Variants in TLK1 observed in about 807,000 individuals in gnomAD.
TLK1 encodes serine/threonine-protein kinase tousled-like 1.
In TLK1, 24 loss-of-function variants were observed where a neutral mutation model predicts 105.3. That is an observed-to-expected ratio of 0.23 (90% CI 0.17 to 0.32). TLK1 has a LOEUF of 0.32. TLK1 is among the 10% of genes least tolerant of loss of function. The probability of loss-of-function intolerance (pLI) is 1.00; values close to 1 mark genes in which losing one functional copy is unlikely to be tolerated. For synonymous variants in TLK1, 321 were observed against 310.4 expected (o/e 1.03, Z -0.36); for missense variants, 558 against 910.5 (o/e 0.61, Z 4.98).
chr2:171,061,067 T>C lies in TLK1; in HGVS notation c.406+14A>G, dbSNP rs768550895. 6.2e-7 allele frequency: 1 copy of C among 1,611,318 alleles called. No individual in the cohort carries two copies. Among genetic ancestry groups the C allele is most frequent in the East Asian group, 2.2e-5 (1 of 44,740 alleles). ...GTGTCCACTAGGCTCTGAAGGAAGA[T>C]GTTATGTGCTTACCCTGACTACTTT... On this transcript the variant is annotated intron_variant, in intron 4 of 20. Coordinates refer to ENST00000431350, the MANE Select transcript of TLK1 (RefSeq NM_012290.5).
rs1293618967 is a variant in TLK1, at chr2:171,050,059, C to T, written c.843+5G>A. On this transcript the variant is annotated splice_donor_5th_base_variant and intron_variant, in intron 9 of 20. Coordinates refer to ENST00000431350, the MANE Select transcript of TLK1 (RefSeq NM_012290.5). ...AAGCGAAAATTTACTCAACTTTTAG[C>T]CTACCTTTTCAATAAGAAGTTTCTT... The T allele has an allele frequency of 6.2e-7, 1 of 1,603,924 alleles. No individual in the cohort carries two copies. Among genetic ancestry groups the T allele is most frequent in the Non-Finnish European group, 8.5e-7 (1 of 1,173,830 alleles).
intron 1 of TLK1, among the ~76,000 whole-genome samples, chr2:171,230,127 A>G (rs1693968965): frequency 6.6e-6 from 1 of 152,228 alleles, no homozygotes; most frequent in African/African-American, 2.4e-5. Context: ...CTTTTTATCC[A>G]TTAACTGCTA....
At chr2:171,141,046 A>G (rs891859131) in intron 1 of TLK1, among the ~76,000 whole-genome samples, 1 of 152,248 alleles carries the variant, frequency 6.6e-6, no homozygotes, top group African/African-American at 2.4e-5. Context: ...GGTCAGAAAA[A>G]TATATCTTTA....
At chr2:171,120,999 G>A (rs773116143) in intron 1 of TLK1, among the ~76,000 whole-genome samples, 1 of 152,110 alleles carries the variant, frequency 6.6e-6, no homozygotes, top group Non-Finnish European at 1.5e-5. Context: ...GCTACAACAC[G>A]GAGATCTCCG....
intron 1 of TLK1, among the ~76,000 whole-genome samples, chr2:171,184,924 C>T (rs1342478705): frequency 1.3e-5 from 2 of 152,002 alleles, no homozygotes; most frequent in African/African-American, 4.8e-5. Flanking sequence ...CTACAAGCTC[C>T]GCCTCCCAGG....
At chr2:171,113,424 C>A (rs1196728586) in intron 2 of TLK1, among the ~76,000 whole-genome samples, 1 of 152,062 alleles carries the variant, frequency 6.6e-6, no homozygotes, top group East Asian at 1.9e-4. Flanking sequence ...GCACCCGCCA[C>A]CATGCCCAGC....
intron 2 of TLK1, among the ~76,000 whole-genome samples, chr2:171,114,722 C>T (rs1690332488): frequency 6.6e-6 from 1 of 152,060 alleles, no homozygotes; most frequent in Non-Finnish European, 1.5e-5. Context: ...GTACTGCCAG[C>T]TACTGGGGAG....
At chr2:171,002,975 G>C (rs1684457053) in intron 18 of TLK1, among the ~76,000 whole-genome samples, 1 of 150,182 alleles carries the variant, frequency 6.7e-6, no homozygotes, top group Non-Finnish European at 1.5e-5. Flanking sequence ...AGGGTATTTT[G>C]CAAAAAGTAC....
Position 170,992,657 on chromosome 2 carries a change from T to A in TLK1, c.*1123A>T, listed in dbSNP as rs1349665737. Reference sequence around the variant, plus strand: ...CAATTATGTCCAACATGGATCACTTTTACATCTTGATTGTTAATGACTGTC... The same window carrying A: ...CAATTATGTCCAACATGGATCACTTATACATCTTGATTGTTAATGACTGTC... On this transcript the variant is annotated 3_prime_UTR_variant, in exon 21 of 21. Transcript: ENST00000431350. 6.6e-6 allele frequency: 1 copy of A among 152,612 alleles called. No individual in the cohort carries two copies. Among genetic ancestry groups the A allele is most frequent in the South Asian group, 2.1e-4 (1 of 4,830 alleles). The allele number at this position is 152,612 out of a possible 1,614,324, so 9.5% of individuals were successfully genotyped here.
At position 171,212,887 on chromosome 2, in the gene TLK1, G is replaced by A. The variant is rs1023040452; in HGVS notation, c.-6+18258C>T. ...AAATAAGAGGAAAACAGCAAAAAGC[G>A]TTTTGTTTTTTTTTAAAAAAAACAA... On this transcript the variant is annotated intron_variant, in intron 1 of 20. Transcript: ENST00000521943. Among the ~76,000 whole-genome samples the A allele has an allele frequency of 3.7e-4, 12 of 32,794 alleles. No homozygotes were observed. The Admixed American group carries it at 3.8e-3, about 10-fold the overall frequency. The allele number at this position is 32,794 out of a possible 152,430, so 21.5% of individuals were successfully genotyped here.
At chr2:171,043,666 G>A (rs1407351620) in intron 11 of TLK1, among the ~76,000 whole-genome samples, 1 of 152,150 alleles carries the variant, frequency 6.6e-6, no homozygotes, top group Non-Finnish European at 1.5e-5. Flanking sequence ...CTTGCATAAA[G>A]GATGAGTGGA....
At chr2:171,187,703 A>C (rs1486013925) in intron 1 of TLK1, among the ~76,000 whole-genome samples, 3 of 152,120 alleles carry the variant, frequency 2.0e-5, no homozygotes, top group Non-Finnish European at 4.4e-5. Context: ...ACTAGTTTTA[A>C]AATATTGTTT....
chr2:171,175,896 G>A (rs1173048965), intron 1 of TLK1, among the ~76,000 whole-genome samples: 1 of 151,884 alleles, frequency 6.6e-6, no homozygotes, highest in Non-Finnish European at 1.5e-5. Context: ...CAGAATCTTT[G>A]GGGCTGGAGT....
In TLK1 at chr2:170,993,955, G is replaced by A; in HGVS notation, c.2126C>T (p.Ala709Val). The A allele has an allele frequency of 6.3e-7, 1 of 1,587,612 alleles. No individual in the cohort carries two copies. The highest frequency in any genetic ancestry group is 8.6e-7 in the Non-Finnish European group (1 of 1,169,154). The change falls in exon 21 of 21, where the codon GCA becomes GTA. Residue 709 changes from alanine to valine, a missense_variant and splice_region_variant. Coordinates refer to ENST00000431350, the MANE Select transcript of TLK1 (RefSeq NM_012290.5). ...ATATGCCAAACAGCGTCTTATAAAT[G>A]CCTCAAAAAGAGAAAGGAAATGTTA... ...VKPVVSSEAK[A>V]FIRRCLAYRK...
intron 18 of TLK1, among the ~76,000 whole-genome samples, chr2:171,000,951 T>C (rs1173460702): frequency 6.6e-6 from 1 of 152,192 alleles, no homozygotes; most frequent in African/African-American, 2.4e-5. Flanking sequence ...TTAATTCCTC[T>C]GGAGGGGTGT....
At chr2:171,091,958 T>A (rs1380209989) in intron 2 of TLK1, 1 of 151,484 alleles carries the variant, frequency 6.6e-6, no homozygotes, top group East Asian at 1.9e-4. Context: ...GGTCTCAATC[T>A]CCTGACCTCG....
At position 171,022,088 on chromosome 2, in the gene TLK1, C is replaced by CACAAACACACACAG. The variant is rs1553605644; in HGVS notation, c.1236+6250_1236+6251insCTGTGTGTGTTTGT. ...ACCACACTCCAGCCTGGGCGAAAAACACACACACACACACACACACACACA... is the reference window on the plus strand; with the variant it reads ...ACCACACTCCAGCCTGGGCGAAAAACACAAACACACACAGACACACACACACACACACACACACA... On this transcript the variant is annotated intron_variant, in intron 12 of 20. Transcript: ENST00000431350. Among the ~76,000 whole-genome samples, 10 of 139,290 alleles carry CACAAACACACACAG rather than the reference C, an allele frequency of 7.2e-5. No individual in the cohort carries two copies. In the East Asian group the frequency reaches 2.1e-3, roughly 29 times the overall value. 91.4% of individuals were successfully genotyped at this position (139,290 alleles called of 152,430 possible).
intron 18 of TLK1, 73 bp downstream of exon 18, chr2:171,006,068 TAAAAAA>T (rs370131370): frequency 9.2e-7 from 1 of 1,090,972 alleles, no homozygotes; most frequent in African/African-American, 1.6e-5. Context: ...TACATGGAAA[TAAAAAA>T]AAAAACACTA....
chr2:171,062,066 A>G (rs942166367), intron 3 of TLK1, among the ~76,000 whole-genome samples: 2 of 152,240 alleles, frequency 1.3e-5, no homozygotes, highest in African/African-American at 4.8e-5. Context: ...GTGTGTTCCT[A>G]TAACAGATAG....
Sources: allele counts gnomAD v4.1 joint callset (sites outside exome capture counted in the v4.1 genomes callset), GRCh38; gene constraint gnomAD v4.1.1; transcripts MANE v1.5; gene names NCBI Gene and HGNC (gene_info 2026-07-23, HGNC 2026-07-21).